The following ADAMTSL1 variants were observed in gnomAD, a reference collection of about 807,000 sequenced individuals.
The protein encoded by ADAMTSL1 is ADAMTS like 1, also known as ADAMTS-like protein 1.
Under a neutral mutation model 201.8 loss-of-function variants are expected in ADAMTSL1, and 126 were observed. That is an observed-to-expected ratio of 0.62 (90% CI 0.54 to 0.72). The LOEUF (loss-of-function observed/expected upper bound fraction) is 0.72. Among genes scored for constraint, ADAMTSL1 ranks in the 30% least tolerant of loss-of-function variants. The pLI is 0.00. For missense variants in ADAMTSL1, 2,679 were observed against 2,277.8 expected, an observed-to-expected ratio of 1.18 and a Z score of -3.59; for synonymous variants, 1,121 against 903.4, an observed-to-expected ratio of 1.24 and a Z score of -4.32.
intron 5 of ADAMTSL1, among the ~76,000 whole-genome samples, chr9:18,634,269 A>G (rs76797841): frequency 6.6e-6 from 1 of 152,108 alleles, no homozygotes; most frequent in African/African-American, 2.4e-5. Context: ...TTAAAAAAAA[A>G]TATGTCTGAA....
chr9:18,565,550 C>G (rs1303494712), intron 3 of ADAMTSL1, among the ~76,000 whole-genome samples: 4 of 148,856 alleles, frequency 2.7e-5, no homozygotes, highest in Non-Finnish European at 3.0e-5. Flanking sequence ...GTGCCCTAAG[C>G]CATTTAATCC....
At chr9:18,600,713 T>C (rs887926312) in intron 4 of ADAMTSL1, among the ~76,000 whole-genome samples, 1 of 138,842 alleles carries the variant, frequency 7.2e-6, no homozygotes, top group Non-Finnish European at 1.6e-5. Flanking sequence ...CTTTGGAAAC[T>C]TTTTCTACTA....
At chr9:18,363,245 C>G (rs4961642) in intron 2 of ADAMTSL1, among the ~76,000 whole-genome samples, 41,075 of 152,176 alleles carry the variant, frequency 0.27, 6,162 homozygotes, top group Admixed American at 0.41. Flanking sequence ...CTCCCACCAG[C>G]TAACCTATCA....
chr9:18,185,041 A>G (rs894345744), intron 2 of ADAMTSL1, among the ~76,000 whole-genome samples: 11 of 152,164 alleles, frequency 7.2e-5, no homozygotes, highest in South Asian at 4.2e-4. Flanking sequence ...GGCATTTTGG[A>G]TGTCAGATTT....
chr9:18,377,756 C>T (rs1837366095), intron 2 of ADAMTSL1, among the ~76,000 whole-genome samples: 2 of 152,070 alleles, frequency 1.3e-5, no homozygotes, highest in African/African-American at 4.8e-5. Flanking sequence ...TTAGTAGAGA[C>T]AGGATTTCAC....
At chr9:17,998,091 T>G (rs543627448) in intron 1 of ADAMTSL1, among the ~76,000 whole-genome samples, 2 of 152,102 alleles carry the variant, frequency 1.3e-5, no homozygotes, top group South Asian at 4.1e-4. Context: ...GCATCTCACA[T>G]AGTCCTAGCC....
chr9:18,520,308 T>G (rs1428883920), intron 2 of ADAMTSL1, among the ~76,000 whole-genome samples: 1 of 152,210 alleles, frequency 6.6e-6, no homozygotes, highest in African/African-American at 2.4e-5. Context: ...CCTACATAAT[T>G]TCTATTTATA....
intron 2 of ADAMTSL1, among the ~76,000 whole-genome samples, chr9:18,367,537 T>G (rs1210190793): frequency 1.5e-4 from 23 of 152,042 alleles, no homozygotes; most frequent in Admixed American, 1.5e-3. Flanking sequence ...AATACTATTT[T>G]AAGACACTGA....
At chr9:18,853,820 C>T (rs1178277667) in intron 23 of ADAMTSL1, among the ~76,000 whole-genome samples, 4 of 151,648 alleles carry the variant, frequency 2.6e-5, no homozygotes, top group South Asian at 2.1e-4. Context: ...GGGAGGAACA[C>T]CAAGCAAAGA....
intron 1 of ADAMTSL1, among the ~76,000 whole-genome samples, chr9:17,986,536 C>A (rs1818937575): frequency 6.6e-6 from 1 of 151,980 alleles, no homozygotes; most frequent in Non-Finnish European, 1.5e-5. Flanking sequence ...GTGTCTTTTC[C>A]ATTTTCTCTC....
chr9:18,142,199 G>A (rs1826429345), intron 1 of ADAMTSL1, among the ~76,000 whole-genome samples: 1 of 152,160 alleles, frequency 6.6e-6, no homozygotes, highest in Non-Finnish European at 1.5e-5. Context: ...TACAGAATGA[G>A]TCTGGAGAGA....
chr9:18,068,861 G>T (rs543103183), intron 1 of ADAMTSL1, among the ~76,000 whole-genome samples: 1 of 152,322 alleles, frequency 6.6e-6, no homozygotes, highest in African/African-American at 2.4e-5. Context: ...TTACAGAGTG[G>T]TATAGTGCTA....
intron 23 of ADAMTSL1, among the ~76,000 whole-genome samples, chr9:18,853,040 G>T (rs868445849): frequency 6.6e-6 from 1 of 152,178 alleles, no homozygotes; most frequent in African/African-American, 2.4e-5. Context: ...AGATGGTATT[G>T]TTTCTTTAAG....
intron 3 of ADAMTSL1, among the ~76,000 whole-genome samples, chr9:18,540,102 G>T (rs1374068498): frequency 6.6e-6 from 1 of 152,208 alleles, no homozygotes; most frequent in Non-Finnish European, 1.5e-5. Context: ...CAATGAGAAA[G>T]AGAAAGAGAG....
intron 2 of ADAMTSL1, among the ~76,000 whole-genome samples, chr9:18,403,212 C>G (rs1818052913): frequency 6.6e-6 from 1 of 150,984 alleles, no homozygotes; most frequent in South Asian, 2.1e-4. Context: ...GAGATGGAGT[C>G]TTGCCCTGTT....
At chr9:18,889,913 G>A (rs1052152381) in intron 25 of ADAMTSL1, among the ~76,000 whole-genome samples, 165 bp downstream of exon 25, 1 of 152,052 alleles carries the variant, frequency 6.6e-6, no homozygotes, top group African/African-American at 2.4e-5. Context: ...CCACCTTGCT[G>A]AAAATATCCT....
At chr9:18,794,589 C>G (rs1165407605) in intron 19 of ADAMTSL1, among the ~76,000 whole-genome samples, 1 of 151,858 alleles carries the variant, frequency 6.6e-6, no homozygotes, top group Non-Finnish European at 1.5e-5. Flanking sequence ...CTTCTACCTG[C>G]AAACCTGAAC....
intron 1 of ADAMTSL1, among the ~76,000 whole-genome samples, chr9:17,914,127 T>C (rs899154479): frequency 6.6e-5 from 10 of 152,194 alleles, no homozygotes; most frequent in African/African-American, 2.4e-4. Flanking sequence ...TCTGAAACTA[T>C]TCCAATCAAT....
At chr9:18,682,467 G>T (rs1587885433) in intron 12 of ADAMTSL1, among the ~76,000 whole-genome samples, 1 of 152,152 alleles carries the variant, frequency 6.6e-6, no homozygotes, top group East Asian at 1.9e-4. Flanking sequence ...AAATATATCA[G>T]AATTTAAAAG....
Sources: gnomAD v4.1 joint callset for allele counts (sites outside exome capture counted in the v4.1 genomes callset) on GRCh38, gnomAD v4.1.1 for gene constraint, MANE v1.5 for transcripts, NCBI Gene and HGNC (gene_info 2026-07-23, HGNC 2026-07-21) for gene names.